The following TRPM3 variants were observed in gnomAD, a reference collection of about 807,000 sequenced individuals.
TRPM3 encodes the protein transient receptor potential cation channel subfamily M member 3.
Under a neutral mutation model 181.2 loss-of-function variants are expected in TRPM3, and 77 were observed. The ratio of observed to expected loss-of-function variants is 0.42; its 90% CI spans 0.35 to 0.51. The LOEUF (loss-of-function observed/expected upper bound fraction) is 0.51, where lower values mean the gene tolerates loss of function less well. TRPM3 is among the 20% of genes least tolerant of loss of function. The pLI is 0.01. For missense variants in TRPM3, 1,759 were observed against 2,196.7 expected (o/e 0.80, Z 3.98); for synonymous variants, 745 against 796.4 (o/e 0.94, Z 1.09).
At chr9:70,552,545 A>G (rs994401338) in intron 24 of TRPM3, among the ~76,000 whole-genome samples, 2 of 152,182 alleles carry the variant, frequency 1.3e-5, no homozygotes, top group Admixed American at 1.3e-4. Flanking sequence ...GATCTCTGGA[A>G]AGCAAGAAAC....
intron 1 of TRPM3, among the ~76,000 whole-genome samples, chr9:71,441,657 G>T (rs142073986): frequency 7.1e-6 from 1 of 141,672 alleles, no homozygotes; most frequent in African/African-American, 2.7e-5. Flanking sequence ...TTTCTGAGAC[G>T]GAGTTTTACT....
chr9:70,639,034 T>G lies in TRPM3; in HGVS notation c.1581+26A>C, dbSNP rs200462956. ...TAAAACAAACAGAAAAAAAAGAAAA[T>G]AAAAAGTGCCTTAGTTTGGCCCTAC... On this transcript the variant is annotated intron_variant, in intron 11 of 25. Transcript: ENST00000677713. 52 of 1,606,044 alleles carry G rather than the reference T, an allele frequency of 3.2e-5. 1 individual carries two copies. The East Asian group carries it at 1.1e-3, about 32-fold the overall frequency.
intron 1 of TRPM3, among the ~76,000 whole-genome samples, chr9:71,025,396 G>A (rs904152103): frequency 3.3e-5 from 5 of 152,248 alleles, no homozygotes; most frequent in African/African-American, 1.2e-4. Context: ...TCCACTGTGC[G>A]ACAGCCTGAG....
At chr9:70,876,023 G>A (rs769923271) in intron 1 of TRPM3, among the ~76,000 whole-genome samples, 2 of 151,762 alleles carry the variant, frequency 1.3e-5, no homozygotes, top group South Asian at 4.1e-4. Flanking sequence ...ATCCTCAACT[G>A]CTCCAAATAA....
intron 1 of TRPM3, among the ~76,000 whole-genome samples, chr9:71,166,231 CA>C (rs1159842484): frequency 6.6e-6 from 1 of 151,984 alleles, no homozygotes; most frequent in Admixed American, 6.6e-5. Context: ...CAGAAGTCAC[CA>C]AATGGAGGAT....
chr9:71,175,361 G>A (rs556895739), intron 1 of TRPM3, among the ~76,000 whole-genome samples: 28 of 152,302 alleles, frequency 1.8e-4, no homozygotes, highest in Middle Eastern at 3.4e-3. Flanking sequence ...GAGAACAAGA[G>A]CTGAGACAGG....
intron 1 of TRPM3, among the ~76,000 whole-genome samples, chr9:71,075,319 T>C (rs2063311104): frequency 6.6e-6 from 1 of 152,216 alleles, no homozygotes. Context: ...AAATTTCACA[T>C]ATTGAAGCAT....
At chr9:70,807,227 T>A (rs1669847620) in intron 6 of TRPM3, among the ~76,000 whole-genome samples, 1 of 152,200 alleles carries the variant, frequency 6.6e-6, no homozygotes, top group Non-Finnish European at 1.5e-5. Context: ...AGTTATTTCT[T>A]TTTCCATGGA....
chr9:70,870,864 T>C (rs1045590469), intron 1 of TRPM3, among the ~76,000 whole-genome samples: 1 of 152,066 alleles, frequency 6.6e-6, no homozygotes, highest in South Asian at 2.1e-4. Flanking sequence ...TCTATTCTTT[T>C]TGCTTTTCCA....
intron 1 of TRPM3, among the ~76,000 whole-genome samples, chr9:70,879,535 T>A (rs1472176621): frequency 6.6e-6 from 1 of 152,080 alleles, no homozygotes; most frequent in African/African-American, 2.4e-5. Context: ...GCAGTTATCC[T>A]ATATTCTCAT....
At chr9:70,996,645 T>TAAAG (rs1434715754) in intron 1 of TRPM3, among the ~76,000 whole-genome samples, 133 of 152,376 alleles carry the variant, frequency 8.7e-4, no homozygotes, top group African/African-American at 3.0e-3. Flanking sequence ...ATCAGCTCCC[T>TAAAG]GTCTAATTTC....
chr9:71,250,879 G>A (rs1266673764), intron 1 of TRPM3, among the ~76,000 whole-genome samples: 1 of 152,082 alleles, frequency 6.6e-6, no homozygotes, highest in South Asian at 2.1e-4. Context: ...AGGTAGGAGA[G>A]GATAGGTCAT....
At chr9:70,689,891 T>A (rs2068020398) in intron 8 of TRPM3, among the ~76,000 whole-genome samples, 3 of 152,302 alleles carry the variant, frequency 2.0e-5, no homozygotes, top group Admixed American at 1.3e-4. Flanking sequence ...GTGGCTGAGT[T>A]AGTCACAGAC....
chr9:71,429,308 T>C (rs931009701), intron 1 of TRPM3, among the ~76,000 whole-genome samples: 2 of 152,210 alleles, frequency 1.3e-5, no homozygotes, highest in African/African-American at 4.8e-5. Flanking sequence ...TCCTCCACTT[T>C]TCAAGACTAT....
chr9:70,969,723 C>T (rs941899810), intron 1 of TRPM3, among the ~76,000 whole-genome samples: 29 of 144,036 alleles, frequency 2.0e-4, no homozygotes, highest in African/African-American at 7.3e-4. Flanking sequence ...TAATCCTACA[C>T]ACCTGCAGGA....
At chr9:70,909,837 G>C (rs528944501) in intron 1 of TRPM3, among the ~76,000 whole-genome samples, 3 of 152,100 alleles carry the variant, frequency 2.0e-5, no homozygotes, top group Non-Finnish European at 4.4e-5. Flanking sequence ...CTTTTGCACC[G>C]ACCCAAACTA....
At chr9:71,226,623 G>T (rs2080676177) in intron 1 of TRPM3, among the ~76,000 whole-genome samples, 1 of 151,784 alleles carries the variant, frequency 6.6e-6, no homozygotes, top group African/African-American at 2.4e-5. Flanking sequence ...TTCAGCAGAG[G>T]ATATGATTGT....
intron 1 of TRPM3, among the ~76,000 whole-genome samples, chr9:71,395,965 T>C (rs926660670): frequency 6.6e-6 from 1 of 152,144 alleles, no homozygotes; most frequent in Non-Finnish European, 1.5e-5. Flanking sequence ...GAAGGAAATG[T>C]TCAGGAAAAC....
At chr9:70,609,840 C>T (rs763571110) in intron 19 of TRPM3, among the ~76,000 whole-genome samples, 1 of 152,066 alleles carries the variant, frequency 6.6e-6, no homozygotes, top group Admixed American at 6.5e-5. Context: ...GATGCACTAT[C>T]CTTCATCTGG....
Sources: gnomAD v4.1 joint callset for allele counts (sites outside exome capture counted in the v4.1 genomes callset) on GRCh38, gnomAD v4.1.1 for gene constraint, MANE v1.5 for transcripts, NCBI Gene and HGNC (gene_info 2026-07-23, HGNC 2026-07-21) for gene names.